Variants in TMC7 observed in about 807,000 individuals in gnomAD.
TMC7 encodes transmembrane channel-like protein 7.
TMC7 carries 54 observed loss-of-function variants against 82.9 expected under a neutral mutation model. The observed-to-expected ratio is 0.65, with a 90% CI of 0.52 to 0.82. The LOEUF is 0.82. Ranked by LOEUF, TMC7 falls within the 40% of genes least tolerant of loss-of-function variation. The pLI, the probability that TMC7 is intolerant of heterozygous loss-of-function variation, is 0.00. For missense variants in TMC7, 820 were observed against 901.2 expected (o/e 0.91, Z 1.15); for synonymous variants, 350 against 337.9 (o/e 1.04, Z -0.39).
chr16:19,039,404 T>C (rs1227541998), intron 8 of TMC7, among the ~76,000 whole-genome samples: 2 of 152,118 alleles, frequency 1.3e-5, no homozygotes, highest in Admixed American at 6.6e-5. Flanking sequence ...TATGGTCTTC[T>C]GTATGGTACA....
chr16:19,044,831 C>T, intron 9 of TMC7, 53 bp from the exon 10 acceptor site: 1 of 1,321,566 alleles, frequency 7.6e-7, no homozygotes, highest in Non-Finnish European at 1.1e-6. Flanking sequence ...TTCCAAGGGA[C>T]CAGCCACCCT....
At chr16:18,997,854 C>G (rs945387923) in intron 1 of TMC7, among the ~76,000 whole-genome samples, 1 of 151,852 alleles carries the variant, frequency 6.6e-6, no homozygotes, top group East Asian at 1.9e-4. Context: ...CTCAGCATCC[C>G]GAGTAGCTGG....
chr16:19,009,135 A>C, intron 1 of TMC7, 37 bp from the exon 2 acceptor site: 1 of 1,600,256 alleles, frequency 6.2e-7, no homozygotes, highest in Non-Finnish European at 8.5e-7. Context: ...TTCCGAACTC[A>C]CTGGAGTGAA....
At chr16:18,999,618 C>G (rs8056630) in intron 1 of TMC7, among the ~76,000 whole-genome samples, 47,279 of 152,072 alleles carry the variant, frequency 0.31, 7,590 homozygotes, top group Non-Finnish European at 0.35. Flanking sequence ...GAGTGACTGA[C>G]TGGTGGGTGA....
intron 3 of TMC7, among the ~76,000 whole-genome samples, 172 bp downstream of exon 3, chr16:19,016,770 A>C (rs1201965038): frequency 6.6e-6 from 1 of 152,228 alleles, no homozygotes; most frequent in Admixed American, 6.5e-5. Context: ...GTCACCAGGA[A>C]AAATCGTGGA....
chr16:19,045,586 ACTTT>A (rs1261906009), intron 11 of TMC7, 148 bp downstream of exon 11: 10 of 493,388 alleles, frequency 2.0e-5, no homozygotes, highest in Middle Eastern at 5.7e-4. Context: ...ACAACTGGTA[ACTTT>A]CTTTTTTTTT....
chr16:19,009,994 C>G (rs1268230500), intron 2 of TMC7, among the ~76,000 whole-genome samples: 1 of 144,860 alleles, frequency 6.9e-6, no homozygotes, highest in Non-Finnish European at 1.5e-5. Flanking sequence ...TTCTTTCTTT[C>G]CTTCCTTCCT....
chr16:19,040,173 A>G (rs2142266493), intron 8 of TMC7, 116 bp from the exon 9 acceptor site: 1 of 756,512 alleles, frequency 1.3e-6, no homozygotes, highest in South Asian at 2.0e-5. Flanking sequence ...GGCCATGTTG[A>G]ATGACAAATA....
intron 10 of TMC7, 107 bp downstream of exon 10, chr16:19,045,108 G>A (rs1047443064): frequency 4.6e-5 from 45 of 983,402 alleles, no homozygotes; most frequent in East Asian, 7.2e-5. Flanking sequence ...CATTTGCTTC[G>A]CTTTCTTGTT....
rs1433179841 is a variant in TMC7, at chr16:19,063,722, C to T, written c.*1879C>T. The T allele has an allele frequency of 1.3e-5, 2 of 150,822 alleles. No individual in the cohort carries two copies. The highest frequency in any genetic ancestry group is 6.6e-5 in the Admixed American group (1 of 15,114). 9.3% of individuals were successfully genotyped at this position (150,822 alleles called of 1,614,324 possible). On this transcript the variant is annotated 3_prime_UTR_variant, in exon 16 of 16. Transcript: ENST00000304381. ...TGATGAACACAACGAAAACGTACTG[C>T]GTTTTTTTTCCTATTATAAAAGTGA...
At chr16:19,051,622 C>T in intron 12 of TMC7, 64 bp from the exon 13 acceptor site, 1 of 1,586,082 alleles carries the variant, frequency 6.3e-7, no homozygotes, top group Non-Finnish European at 8.6e-7. Flanking sequence ...CAGGAATGCA[C>T]TTATTTATCT....
intron 1 of TMC7, among the ~76,000 whole-genome samples, chr16:19,004,163 T>A (rs2039193946): frequency 6.6e-6 from 1 of 150,556 alleles, no homozygotes; most frequent in Non-Finnish European, 1.5e-5. Flanking sequence ...AACGAGGGGG[T>A]GGATCCTAGT....
chr16:19,022,252 A>G lies in TMC7; in HGVS notation c.628+456A>G, dbSNP rs149070526. ...TAGAAGGAGAAAGAGATGTTACTGT[A>G]TTGGACACATTGGGGTTTGGACTGA... On this transcript the variant is annotated intron_variant, in intron 4 of 15. Transcript: ENST00000304381. 3.8e-3 allele frequency among the ~76,000 whole-genome samples: 573 copies of G among 152,386 alleles called. 4 individuals are homozygous for G. Among genetic ancestry groups the G allele is most frequent in the Non-Finnish European group, 6.2e-3 (425 of 68,038 alleles).
intron 15 of TMC7, among the ~76,000 whole-genome samples, chr16:19,061,482 A>C (rs1408523029): frequency 1.3e-5 from 2 of 151,056 alleles, no homozygotes; most frequent in Non-Finnish European, 2.9e-5. Context: ...ATGGGGTTTT[A>C]CTATATTGGT....
chr16:19,048,523 G>A (rs1475513097), intron 12 of TMC7, among the ~76,000 whole-genome samples: 2 of 152,142 alleles, frequency 1.3e-5, no homozygotes, highest in East Asian at 3.9e-4. Flanking sequence ...CCGGGTTCAA[G>A]TGACTCTCCT....
intron 5 of TMC7, among the ~76,000 whole-genome samples, chr16:19,026,996 A>T (rs570151515): frequency 6.9e-4 from 102 of 147,888 alleles, no homozygotes; most frequent in Non-Finnish European, 1.2e-3. Context: ...TCCTGACCTC[A>T]AGTGATCCAC....
At chr16:19,004,059 A>C (rs2039190733) in intron 1 of TMC7, among the ~76,000 whole-genome samples, 1 of 150,406 alleles carries the variant, frequency 6.6e-6, no homozygotes, top group African/African-American at 2.4e-5. Flanking sequence ...AAAAAAAAAA[A>C]TACCAGGGCA....
At chr16:18,991,733 C>G (rs2038954692) in intron 1 of TMC7, among the ~76,000 whole-genome samples, 1 of 152,036 alleles carries the variant, frequency 6.6e-6, no homozygotes, top group Non-Finnish European at 1.5e-5. Context: ...TATCCCTCCC[C>G]CGTCCCCGCA....
intron 6 of TMC7, chr16:19,033,693 AAAAAT>A (rs528699536): frequency 3.3e-5 from 5 of 152,168 alleles, no homozygotes; most frequent in African/African-American, 7.2e-5. Context: ...TCAAAAAGTA[AAAAAT>A]AAAATAAAAT....
Sources: gnomAD v4.1 joint callset for allele counts (sites outside exome capture counted in the v4.1 genomes callset) on GRCh38, gnomAD v4.1.1 for gene constraint, MANE v1.5 for transcripts, NCBI Gene and HGNC (gene_info 2026-07-23, HGNC 2026-07-21) for gene names.